The following STAG1 variants were observed in gnomAD, a reference collection of about 807,000 sequenced individuals.
STAG1 encodes STAG1 cohesin complex component, also known as cohesin subunit SA-1.
Under a neutral mutation model 170.9 loss-of-function variants are expected in STAG1, and 26 were observed. The ratio of observed to expected loss-of-function variants is 0.15; its 90% confidence interval spans 0.11 to 0.21. STAG1 has a LOEUF of 0.21. Among genes scored for constraint, STAG1 ranks in the 10% least tolerant of loss-of-function variants. The pLI is 1.00. For missense variants in STAG1, 964 were observed against 1,509.5 expected (o/e 0.64, Z 5.99); for synonymous variants, 514 against 497.7 (o/e 1.03, Z -0.44).
At chr3:136,599,684 C>T (rs972539987) in intron 4 of STAG1, among the ~76,000 whole-genome samples, 14 of 152,024 alleles carry the variant, frequency 9.2e-5, no homozygotes, top group Admixed American at 9.2e-4. Flanking sequence ...GGGCTACATT[C>T]TAACTGAGTC....
At chr3:136,382,436 T>C (rs1143995) in intron 22 of STAG1, among the ~76,000 whole-genome samples, 148,922 of 148,958 alleles carry the variant, frequency 1, 74,443 homozygotes, top group Middle Eastern at 1. Context: ...GAGTTTTGCT[T>C]TTATCGCCCA....
At chr3:136,491,156 C>G (rs1013894600) in intron 9 of STAG1, among the ~76,000 whole-genome samples, 1 of 152,070 alleles carries the variant, frequency 6.6e-6, no homozygotes, top group Admixed American at 6.6e-5. Flanking sequence ...CTTGCTCTGT[C>G]GTTCAGGCTG....
chr3:136,478,176 T>C (rs1224286516), intron 9 of STAG1, among the ~76,000 whole-genome samples: 1 of 152,184 alleles, frequency 6.6e-6, no homozygotes, highest in Non-Finnish European at 1.5e-5. Flanking sequence ...CTTTCATCTG[T>C]AATAATATAT....
Position 136,413,058 on chromosome 3 carries a change from T to C in STAG1, c.2196+4827A>G, listed in dbSNP as rs898989796. Among the ~76,000 whole-genome samples, 3 of 151,232 alleles carry C rather than the reference T, an allele frequency of 2.0e-5. No individual in the cohort carries two copies. The East Asian group carries it at 5.8e-4, about 29-fold the overall frequency. On this transcript the variant is annotated intron_variant, in intron 21 of 33. Transcript: ENST00000383202. ...TTTGTATTTTTAGTACAGACAGGGT[T>C]TTGCCATGTAGGCCAGGCTGGTCTC...
At chr3:136,391,071 G>A (rs751747057) in intron 22 of STAG1, among the ~76,000 whole-genome samples, 2 of 152,186 alleles carry the variant, frequency 1.3e-5, no homozygotes, top group Non-Finnish European at 2.9e-5. Context: ...GACAGTGATG[G>A]AAGGACAAAT....
Position 136,630,909 on chromosome 3 carries a change from G to A in STAG1, c.-11C>T, listed in dbSNP as rs1051484922. 6.4e-7 allele frequency: 1 copy of A among 1,563,718 alleles called. No individual in the cohort carries two copies. ...TTCTGAAGTAATCATTGCTGGAGAG[G>A]TCCTTTCACAATGCAGCAAAATAAT... is the stretch of plus-strand genomic sequence containing the variant. On this transcript the variant is annotated 5_prime_UTR_variant, in exon 2 of 34. Transcript: ENST00000383202.
chr3:136,393,934 G>A (rs1407343357), intron 22 of STAG1, among the ~76,000 whole-genome samples: 3 of 151,804 alleles, frequency 2.0e-5, no homozygotes, highest in Admixed American at 6.6e-5. Flanking sequence ...ACGGAGTCTC[G>A]CTCTGTTGCC....
intron 1 of STAG1, among the ~76,000 whole-genome samples, chr3:136,650,089 A>G (rs553956167): frequency 6.6e-5 from 10 of 152,184 alleles, no homozygotes; most frequent in Admixed American, 2.0e-4. Context: ...TTGTAAAGTT[A>G]GTTAGGCAAG....
At chr3:136,719,374 G>A (rs992839450) in intron 1 of STAG1, among the ~76,000 whole-genome samples, 10 of 151,952 alleles carry the variant, frequency 6.6e-5, no homozygotes, top group African/African-American at 2.4e-4. Context: ...GACTACAAAT[G>A]GGCACAGATT....
At chr3:136,692,125 G>T (rs1173797447) in intron 1 of STAG1, among the ~76,000 whole-genome samples, 1 of 148,670 alleles carries the variant, frequency 6.7e-6, no homozygotes, top group Non-Finnish European at 1.5e-5. Flanking sequence ...GACCAGCCTG[G>T]CCAACATGAT....
chr3:136,602,222 T>G (rs1452289442), intron 4 of STAG1, among the ~76,000 whole-genome samples: 1 of 151,542 alleles, frequency 6.6e-6, no homozygotes, highest in African/African-American at 2.4e-5. Context: ...CTACTAAAAA[T>G]ACAAAAATTA....
chr3:136,465,558 C>CAAAAAAAAAAAA (rs11364802), intron 12 of STAG1, among the ~76,000 whole-genome samples: 1 of 48,218 alleles, frequency 2.1e-5, no homozygotes, highest in Non-Finnish European at 3.3e-5. Context: ...ACTCTTGCCT[C>CAAAAAAAAAAAA]AAAAAAAAAA....
chr3:136,682,578 A>G (rs1314013633), intron 1 of STAG1, among the ~76,000 whole-genome samples: 1 of 151,988 alleles, frequency 6.6e-6, no homozygotes, highest in Non-Finnish European at 1.5e-5. Context: ...AAAAATTTAC[A>G]TTTTGATACA....
At chr3:136,652,950 A>C (rs528285529) in intron 1 of STAG1, among the ~76,000 whole-genome samples, 6 of 152,098 alleles carry the variant, frequency 3.9e-5, no homozygotes, top group Non-Finnish European at 8.8e-5. Flanking sequence ...TGTCCCACGG[A>C]GGAAATAAGG....
Position 136,539,902 on chromosome 3 carries a change from CT to C in STAG1, c.471+2216del, listed in dbSNP as rs1935806698. 1.3e-5 allele frequency among the ~76,000 whole-genome samples: 2 copies of C among 152,128 alleles called. 1 individual carries two copies. Among genetic ancestry groups the C allele is most frequent in the South Asian group, 4.1e-4 (2 of 4,830 alleles). On this transcript the variant is annotated intron_variant, in intron 6 of 33. Transcript: ENST00000383202. Reference sequence around the variant, plus strand: ...GAAAATCTTAACAGCTTCAAACTAACTCATCTCACCTTTACCTTACTTTGCT... The same window carrying C: ...GAAAATCTTAACAGCTTCAAACTAACCATCTCACCTTTACCTTACTTTGCT...
intron 26 of STAG1, among the ~76,000 whole-genome samples, chr3:136,361,638 TCTCA>T (rs1197134779): frequency 1.3e-5 from 2 of 152,116 alleles, no homozygotes; most frequent in Non-Finnish European, 2.9e-5. Flanking sequence ...AGAAATGGGG[TCTCA>T]CTCTGTCACC....
intron 6 of STAG1, among the ~76,000 whole-genome samples, chr3:136,540,822 CAAAAAAAAAAAAAAA>C (rs554338920): frequency 2.4e-4 from 11 of 46,306 alleles, no homozygotes; most frequent in South Asian, 3.6e-3. Context: ...ACTGTGTCTC[CAAAAAAAAAAAAAAA>C]AAAAAAAAAA....
rs2088373305 is a variant in STAG1 at position 136,433,631 on chromosome 3, A to G, written c.1575T>C (p.Leu525=). The G allele has an allele frequency of 6.2e-7, 1 of 1,609,790 alleles. No individual in the cohort carries two copies. The highest frequency in any genetic ancestry group is 8.5e-7 in the Non-Finnish European group (1 of 1,178,466). ...EAMSDRQESA[L]IELMVCTIRQ... is the part of the protein sequence containing the mutation. ...GAATTGTACAAACCATTAGCTCTAT[A>G]AGAGCACTCTCTTGACGATCAGACA... is the stretch of plus-strand genomic sequence containing the variant. The change falls in exon 16 of 34, where the codon CTT becomes CTC. Residue 525 remains leucine, a synonymous_variant. Transcript: ENST00000383202.
At chr3:136,616,212 T>C (rs1371942383) in intron 3 of STAG1, among the ~76,000 whole-genome samples, 1 of 149,914 alleles carries the variant, frequency 6.7e-6, no homozygotes, top group African/African-American at 2.5e-5. Flanking sequence ...GAACTTGCAG[T>C]GAGCCGAGAT....
Sources: allele counts gnomAD v4.1 joint callset (sites outside exome capture counted in the v4.1 genomes callset), GRCh38; gene constraint gnomAD v4.1.1; transcripts MANE v1.5; gene names NCBI Gene and HGNC (gene_info 2026-07-23, HGNC 2026-07-21).